The following RASGEF1B variants were observed in gnomAD, a reference collection of about 807,000 sequenced individuals.
The protein encoded by RASGEF1B is ras-GEF domain-containing family member 1B.
In RASGEF1B, 30 loss-of-function variants were observed where a neutral mutation model predicts 65.7. The observed-to-expected ratio is 0.46, with a 90% CI of 0.34 to 0.62. RASGEF1B has a LOEUF of 0.62. Among genes scored for constraint, RASGEF1B ranks in the 20% least tolerant of loss-of-function variants. The pLI is 0.01. For synonymous variants in RASGEF1B, 175 were observed against 194.8 expected (o/e 0.90, Z 0.85); for missense variants, 495 against 580.1 (o/e 0.85, Z 1.51).
intron 2 of RASGEF1B, 133 bp from the exon 3 acceptor site, chr4:81,457,754 A>G: frequency 1.1e-6 from 1 of 898,948 alleles, no homozygotes; most frequent in Non-Finnish European, 1.7e-6. Flanking sequence ...AATGCCTACT[A>G]GTAGTAAAAC....
chr4:81,442,399 G>A (rs764123452), intron 8 of RASGEF1B, 23 bp from the exon 9 acceptor site: 2 of 1,370,198 alleles, frequency 1.5e-6, no homozygotes, highest in Non-Finnish European at 2.1e-6. Context: ...AATGGAGGGG[G>A]AGAAAAAAGG....
intron 4 of RASGEF1B, 66 bp downstream of exon 4, chr4:81,456,585 G>A (rs551583870): frequency 3.2e-5 from 51 of 1,571,910 alleles, no homozygotes; most frequent in Non-Finnish European, 4.0e-5. Flanking sequence ...TGCATAATTC[G>A]GCACCATTTC....
intron 4 of RASGEF1B, chr4:81,453,857 T>C (rs568844624): frequency 3.9e-5 from 6 of 152,170 alleles, no homozygotes; most frequent in Non-Finnish European, 7.3e-5. Flanking sequence ...GGAGCAAGGA[T>C]TTAGAGGACT....
At chr4:81,446,167 G>A (rs777563952) in intron 6 of RASGEF1B, among the ~76,000 whole-genome samples, 1 of 152,204 alleles carries the variant, frequency 6.6e-6, no homozygotes, top group Non-Finnish European at 1.5e-5. Context: ...CAGAGGTCAG[G>A]AGTTCGAGAT....
chr4:81,466,097 A>C (rs550086367), intron 1 of RASGEF1B, among the ~76,000 whole-genome samples: 16 of 152,210 alleles, frequency 1.1e-4, no homozygotes, highest in Non-Finnish European at 2.2e-4. Context: ...AGGCCTCCGT[A>C]TCACAGCTGA....
At chr4:81,464,961 G>C (rs1261113962) in intron 1 of RASGEF1B, among the ~76,000 whole-genome samples, 1 of 151,984 alleles carries the variant, frequency 6.6e-6, no homozygotes, top group Non-Finnish European at 1.5e-5. Context: ...GCACATGGCT[G>C]TAATCCCAGC....
intron 13 of RASGEF1B, among the ~76,000 whole-genome samples, chr4:81,428,973 A>T (rs1721323790): frequency 6.6e-6 from 1 of 152,258 alleles, no homozygotes; most frequent in Admixed American, 6.5e-5. Context: ...CTTGGCCAAC[A>T]CCTGCGATAA....
intron 10 of RASGEF1B, among the ~76,000 whole-genome samples, chr4:81,439,508 C>G (rs1721761902): frequency 6.6e-6 from 1 of 152,176 alleles, no homozygotes. Context: ...CAGCTCCCTA[C>G]TCACAGATAT....
chr4:81,441,002 A>G, intron 9 of RASGEF1B, 73 bp from the exon 10 acceptor site: 2 of 951,778 alleles, frequency 2.1e-6, no homozygotes, highest in Non-Finnish European at 3.3e-6. Flanking sequence ...ATAAGATCAC[A>G]TATTTAGCTA....
intron 1 of RASGEF1B, among the ~76,000 whole-genome samples, chr4:81,460,925 C>T (rs935903690): frequency 6.6e-5 from 10 of 152,138 alleles, no homozygotes; most frequent in African/African-American, 2.4e-4. Context: ...AGAGATTTGT[C>T]ACTACTAGGG....
At chr4:81,446,747 C>T (rs1473728126) in intron 6 of RASGEF1B, among the ~76,000 whole-genome samples, 1 of 152,130 alleles carries the variant, frequency 6.6e-6, no homozygotes, top group Non-Finnish European at 1.5e-5. Flanking sequence ...AGGCTAATTA[C>T]ACCCCTCTTT....
In RASGEF1B at chr4:81,433,888, G is replaced by A. The variant is rs201599232; in HGVS notation, c.1276C>T (p.Arg426Trp). ...KQVECPFERD[R>W]KILQYLLTVP... ...GTGAGCAGATACTGCAAGATCTTCC[G>A]GTCCCTCTCAAATGGACACTCCACT... The change falls in exon 12 of 14, where the codon CGG becomes TGG. Residue 426 changes from arginine (R) to tryptophan (W), a missense_variant. Coordinates refer to ENST00000264400, the MANE Select transcript of RASGEF1B (RefSeq NM_152545.3). The A allele has an allele frequency of 1.7e-5, 28 of 1,613,756 alleles. No individual in the cohort carries two copies. The highest frequency in any genetic ancestry group is 2.7e-5 in the African/African-American group (2 of 74,830).
chr4:81,436,937 C>T (rs774588663), intron 10 of RASGEF1B, among the ~76,000 whole-genome samples: 1 of 152,152 alleles, frequency 6.6e-6, no homozygotes, highest in East Asian at 1.9e-4. Flanking sequence ...GTTATTATCT[C>T]GGACAGTCTC....
chr4:81,454,535 G>A (rs909050747), intron 4 of RASGEF1B: 1 of 152,226 alleles, frequency 6.6e-6, no homozygotes, highest in Admixed American at 6.5e-5. Context: ...AGGTCACTGA[G>A]CCAGCACTGA....
intron 8 of RASGEF1B, among the ~76,000 whole-genome samples, chr4:81,444,756 C>T (rs190275021): frequency 3.9e-5 from 6 of 152,224 alleles, no homozygotes; most frequent in Admixed American, 2.0e-4. Context: ...AGGGTGGTCT[C>T]GATCTCCTGA....
chr4:81,448,561 T>C (rs570831136), intron 4 of RASGEF1B, among the ~76,000 whole-genome samples: 1 of 152,336 alleles, frequency 6.6e-6, no homozygotes, highest in South Asian at 2.1e-4. Flanking sequence ...AGATTACATC[T>C]TGAGGGAATC....
At chr4:81,458,228 C>T (rs1275092823) in intron 2 of RASGEF1B, among the ~76,000 whole-genome samples, 3 of 152,190 alleles carry the variant, frequency 2.0e-5, no homozygotes, top group East Asian at 1.9e-4. Flanking sequence ...TTTTCTTTAA[C>T]CACATTGTCT....
At chr4:81,461,320 G>A (rs1722636281) in intron 1 of RASGEF1B, among the ~76,000 whole-genome samples, 1 of 152,204 alleles carries the variant, frequency 6.6e-6, no homozygotes, top group African/African-American at 2.4e-5. Context: ...ATAACTGAGA[G>A]AGAACCCTTT....
intron 5 of RASGEF1B, 69 bp downstream of exon 5, chr4:81,448,000 A>G (rs1722097138): frequency 7.6e-7 from 1 of 1,309,142 alleles, no homozygotes; most frequent in African/African-American, 1.5e-5. Context: ...CCGCTGACAA[A>G]TATATCGTCT....
Sources: allele counts gnomAD v4.1 joint callset (sites outside exome capture counted in the v4.1 genomes callset), GRCh38; gene constraint gnomAD v4.1.1; transcripts MANE v1.5; gene names NCBI Gene and HGNC (gene_info 2026-07-23, HGNC 2026-07-21).